Variants in GDAP2 observed in about 807,000 individuals in gnomAD.
The protein encoded by GDAP2 is ganglioside-induced differentiation-associated protein 2.
GDAP2 carries 51 observed loss-of-function variants against 67.0 expected under a neutral mutation model. The observed-to-expected ratio is 0.76, with a 90% CI of 0.61 to 0.96. The LOEUF is 0.96. GDAP2 is among the 40% of genes least tolerant of loss of function. GDAP2 has a pLI of 0.00. For missense variants in GDAP2, 547 were observed against 588.3 expected (o/e 0.93, Z 0.73); for synonymous variants, 203 against 207.3 (o/e 0.98, Z 0.18).
intron 11 of GDAP2, chr1:117,883,268 A>C: frequency 2.3e-6 from 1 of 433,998 alleles, no homozygotes; most frequent in Non-Finnish European, 4.2e-6. Context: ...TTTATCCACA[A>C]AGATTGGTAA....
At chr1:117,915,346 G>C (rs901004886) in intron 3 of GDAP2, among the ~76,000 whole-genome samples, 2 of 152,176 alleles carry the variant, frequency 1.3e-5, no homozygotes, top group African/African-American at 4.8e-5. Context: ...CAGTGTCATA[G>C]ACAGGGGACT....
Position 117,929,504 on chromosome 1 carries a change from A to T in GDAP2, c.-124T>A, listed in dbSNP as rs1290471045. On this transcript the variant is annotated 5_prime_UTR_variant, in exon 1 of 14. Transcript: ENST00000369443. The stretch of plus-strand genomic sequence containing the variant: ...CGGCACGGATCAGGCTCCTGGTAGA[A>T]GGCGGCCGAGCGACATCTCCGGCGA... 1.3e-5 allele frequency: 2 copies of T among 152,714 alleles called. No homozygotes were observed. The highest frequency in any genetic ancestry group is 6.5e-5 in the Admixed American group (1 of 15,308). 9.5% of individuals were successfully genotyped at this position (152,714 alleles called of 1,614,324 possible).
chr1:117,883,457 T>G, intron 11 of GDAP2, 31 bp downstream of exon 11: 1 of 1,530,554 alleles, frequency 6.5e-7, no homozygotes, highest in Non-Finnish European at 9.0e-7. Flanking sequence ...AAGAAACTAT[T>G]TCCCCTTCAT....
chr1:117,888,684 T>A (rs1470108026), intron 8 of GDAP2, among the ~76,000 whole-genome samples: 5 of 152,096 alleles, frequency 3.3e-5, no homozygotes, highest in African/African-American at 1.2e-4. Flanking sequence ...AGTGTCTAAA[T>A]CATATATGGC....
intron 10 of GDAP2, among the ~76,000 whole-genome samples, chr1:117,884,303 C>T (rs1648773004): frequency 6.6e-6 from 1 of 151,922 alleles, no homozygotes; most frequent in Non-Finnish European, 1.5e-5. Flanking sequence ...TATTCCATTA[C>T]AAAAATGATG....
rs1480447769 is a variant in GDAP2, at chr1:117,899,090, T to A, written c.763A>T (p.Ile255Phe). Residue 255 changes from isoleucine (I) to phenylalanine (F), a missense_variant, in exon 7 of 14, where the codon ATT becomes TTT. Transcript: ENST00000369443. ...GCACCAGGTTTCTCACTTATTCTAA[T>A]CTGTCGTTCAGGTACCACAGGCTCC... The part of the protein sequence containing the change: ...EGEPVVPERQ[I>F]RISEKPGAPE... 1 of 1,613,652 alleles carries A rather than the reference T, an allele frequency of 6.2e-7. No homozygotes were observed. Among genetic ancestry groups the A allele is most frequent in the Non-Finnish European group, 8.5e-7 (1 of 1,179,594 alleles).
rs1557810075 is a variant in GDAP2 at position 117,918,649 on chromosome 1, ACTTT to A, written c.260_263del (p.Glu87ValfsTer10). Reference sequence around the variant, plus strand: ...AATCAGGCCCTGCAAGCATGAAGATACTTTCTGACACAGGATTCTTATCTGTGAG... The same window carrying A: ...AATCAGGCCCTGCAAGCATGAAGATACTGACACAGGATTCTTATCTGTGAG... On this transcript the variant is annotated frameshift_variant, in exon 3 of 14. Coordinates refer to ENST00000369443, the MANE Select transcript of GDAP2 (RefSeq NM_017686.4). LOFTEE classifies it high-confidence loss of function. 1 of 1,608,774 alleles carries A rather than the reference ACTTT, an allele frequency of 6.2e-7. No homozygotes were observed. The highest frequency in any genetic ancestry group is 1.7e-5 in the Admixed American group (1 of 60,026).
intron 7 of GDAP2, among the ~76,000 whole-genome samples, chr1:117,897,264 C>T (rs983724661): frequency 2.6e-5 from 4 of 152,196 alleles, no homozygotes; most frequent in Non-Finnish European, 4.4e-5. Context: ...AATGTAGTCA[C>T]ACACAAAAAG....
chr1:117,864,559 A>G lies in GDAP2; in HGVS notation c.*6010T>C, dbSNP rs1647998118. 1 of 152,212 alleles carries G rather than the reference A, an allele frequency of 6.6e-6. No individual in the cohort carries two copies. The highest frequency in any genetic ancestry group is 2.1e-4 in the South Asian group (1 of 4,834). The allele number at this position is 152,212 out of a possible 1,614,324, so 9.4% of individuals were successfully genotyped here. ...TGTCAAAACATCACTATTTAATACT[A>G]TTTTAAATTTTATTAGTTTTATAGT... is the stretch of plus-strand genomic sequence containing the variant. On this transcript the variant is annotated 3_prime_UTR_variant, in exon 14 of 14. Transcript: ENST00000369443.
intron 8 of GDAP2, among the ~76,000 whole-genome samples, chr1:117,894,785 T>A (rs1379940314): frequency 6.6e-6 from 1 of 152,142 alleles, no homozygotes; most frequent in African/African-American, 2.4e-5. Context: ...AAAGTGACCC[T>A]GACATTTCAA....
At chr1:117,903,501 A>G (rs992717836) in intron 6 of GDAP2, among the ~76,000 whole-genome samples, 17 of 152,068 alleles carry the variant, frequency 1.1e-4, no homozygotes, top group African/African-American at 4.1e-4. Context: ...CATTTTTTCA[A>G]TGTTCTTTTC....
chr1:117,922,280 C>A (rs1200856381), intron 1 of GDAP2, among the ~76,000 whole-genome samples: 1 of 151,920 alleles, frequency 6.6e-6, no homozygotes, highest in Non-Finnish European at 1.5e-5. Context: ...CTGAGTCCTA[C>A]AACAAAACTT....
In GDAP2 at chr1:117,886,642, A is replaced by G; in HGVS notation, c.1042T>C (p.Cys348Arg). 6.4e-7 allele frequency: 1 copy of G among 1,563,394 alleles called. No individual in the cohort carries two copies. The highest frequency in any genetic ancestry group is 8.8e-7 in the Non-Finnish European group (1 of 1,134,010). The change falls in exon 10 of 14, where the codon TGT becomes CGT. Residue 348 changes from cysteine to arginine, a missense_variant. Physicochemically the swap from Cys to Arg is radical, Grantham distance 180. Transcript: ENST00000369443. ...KALYQTGVDN[C>R]GRTVMVVVGR... is the part of the protein sequence containing the mutation. ...ACTACCACCATCACTGTTCGACCAC[A>G]GTTATCAACACCTATAAACAGGAAA... is the stretch of plus-strand genomic sequence containing the variant.
rs1647998901 is a variant in GDAP2, at chr1:117,864,607, C to G, written c.*5962G>C. 1 of 152,030 alleles carries G rather than the reference C, an allele frequency of 6.6e-6. No individual in the cohort carries two copies. The highest frequency in any genetic ancestry group is 1.5e-5 in the Non-Finnish European group (1 of 67,976). The allele number at this position is 152,030 out of a possible 1,614,324, so 9.4% of individuals were successfully genotyped here. A position where few individuals can be genotyped will look rare whatever the true frequency, so the allele number is the denominator to read the frequency against. On this transcript the variant is annotated 3_prime_UTR_variant, in exon 14 of 14. Transcript: ENST00000369443. ...AGTTTTGCTTGTGTTAACCCATAAACTTGTTTTGGTTTTATACTTGTGCAA... is the reference window on the plus strand; with the variant it reads ...AGTTTTGCTTGTGTTAACCCATAAAGTTGTTTTGGTTTTATACTTGTGCAA...
At chr1:117,927,556 C>T (rs921225043) in intron 1 of GDAP2, among the ~76,000 whole-genome samples, 2 of 152,114 alleles carry the variant, frequency 1.3e-5, no homozygotes, top group African/African-American at 4.8e-5. Flanking sequence ...TTCTTTATGA[C>T]TTTGTATTTC....
chr1:117,882,154 T>C (rs1381824078), intron 11 of GDAP2, among the ~76,000 whole-genome samples: 1 of 152,098 alleles, frequency 6.6e-6, no homozygotes, highest in Non-Finnish European at 1.5e-5. Context: ...AGAAACAAAT[T>C]TATGGTGTGT....
At chr1:117,877,691 C>T (rs1248031533) in intron 13 of GDAP2, 1 of 1,052,502 alleles carries the variant, frequency 9.5e-7, no homozygotes, top group East Asian at 6.8e-5. Context: ...GAAAGCCATT[C>T]AATCTTAAGA....
intron 8 of GDAP2, 56 bp from the exon 9 acceptor site, chr1:117,887,830 AAT>A: frequency 9.8e-7 from 1 of 1,021,314 alleles, no homozygotes; most frequent in Non-Finnish European, 1.5e-6. Context: ...TAAATTTACA[AAT>A]GGGACCAATT....
At chr1:117,877,646 G>T in intron 13 of GDAP2, 4 of 1,007,176 alleles carry the variant, frequency 4.0e-6, no homozygotes, top group Non-Finnish European at 4.7e-6. Flanking sequence ...TTCTAAAAGT[G>T]ATCACCAATA....
Sources: gnomAD v4.1 joint callset for allele counts (sites outside exome capture counted in the v4.1 genomes callset) on GRCh38, gnomAD v4.1.1 for gene constraint, MANE v1.5 for transcripts, NCBI Gene and HGNC (gene_info 2026-07-23, HGNC 2026-07-21) for gene names.